Variants in GSDMC observed in about 807,000 individuals in gnomAD.
GSDMC encodes the protein gasdermin-C.
A neutral mutation model predicts 58.0 loss-of-function variants in GSDMC; 59 were observed. The observed-to-expected ratio is 1.02, with a 90% CI of 0.82 to 1.26. The LOEUF (loss-of-function observed/expected upper bound fraction) is 1.26. Ranked by LOEUF, GSDMC falls within the 50% of genes most tolerant of loss-of-function variation. The pLI is 0.00. For missense variants in GSDMC, 659 were observed against 598.5 expected (o/e 1.10, Z -1.06); for synonymous variants, 241 against 220.2 (o/e 1.09, Z -0.83).
the GSDMC span, among the ~76,000 whole-genome samples, chr8:129,740,971 T>A: frequency 0.017 from 2,588 of 152,292 alleles, 85 homozygotes; most frequent in African/African-American, 0.059. Context: ...GCCTTGCCGT[T>A]TCAAGTCTTA....
At chr8:129,782,329 C>T (rs1215788702) in intron 1 of GSDMC, among the ~76,000 whole-genome samples, 1 of 151,860 alleles carries the variant, frequency 6.6e-6, no homozygotes, top group Admixed American at 6.6e-5. Context: ...GCAGCCCAAA[C>T]CCAAAATTAG....
At chr8:129,710,306 C>T in the GSDMC span, among the ~76,000 whole-genome samples, 1 of 152,088 alleles carries the variant, frequency 6.6e-6, no homozygotes, top group Non-Finnish European at 1.5e-5. Context: ...GGGCACGTAC[C>T]CAAAACTTGC....
chr8:129,756,075 A>G (rs547245198), intron 6 of GSDMC, among the ~76,000 whole-genome samples: 1 of 152,044 alleles, frequency 6.6e-6, no homozygotes, highest in Non-Finnish European at 1.5e-5. Context: ...ATTAAAAAAA[A>G]AAACAAGATT....
At position 129,748,467 on chromosome 8, in the gene GSDMC, A is replaced by G. The variant is rs1586569348; in HGVS notation, c.*34T>C. The G allele has an allele frequency of 1.3e-6, 2 of 1,566,200 alleles. No individual in the cohort carries two copies. The highest frequency in any genetic ancestry group is 2.3e-5 in the East Asian group (1 of 44,124). On this transcript the variant is annotated 3_prime_UTR_variant, in exon 14 of 14. Transcript: ENST00000276708. The stretch of plus-strand genomic sequence containing the variant: ...TCACAGCATAGACTGGGCGAGGGCC[A>G]GCATCTCTGGACTGACTGCCCATCA...
intron 5 of GSDMC, among the ~76,000 whole-genome samples, chr8:129,760,917 T>C (rs1196513043): frequency 6.6e-6 from 1 of 152,184 alleles, no homozygotes; most frequent in African/African-American, 2.4e-5. Flanking sequence ...TTTGGCATCT[T>C]CTTGGATGAT....
chr8:129,783,721 C>T (rs1052119328), intron 1 of GSDMC, among the ~76,000 whole-genome samples: 6 of 152,086 alleles, frequency 3.9e-5, no homozygotes, highest in Non-Finnish European at 7.4e-5. Flanking sequence ...TGACATTCTT[C>T]ACAGAAAGAG....
intron 4 of GSDMC, among the ~76,000 whole-genome samples, chr8:129,764,100 T>C (rs1437400827): frequency 6.6e-6 from 1 of 152,234 alleles, no homozygotes; most frequent in Non-Finnish European, 1.5e-5. Context: ...TTTCTTACCT[T>C]CCTATGTTGT....
At chr8:129,751,824 G>A (rs1322409221) in intron 9 of GSDMC, 38 bp downstream of exon 9, 1 of 1,590,860 alleles carries the variant, frequency 6.3e-7, no homozygotes, top group East Asian at 2.2e-5. Flanking sequence ...TGTGCAGGAT[G>A]GGATCCCCAC....
the GSDMC span, among the ~76,000 whole-genome samples, chr8:129,712,939 C>T: frequency 1.3e-5 from 2 of 152,194 alleles, no homozygotes; most frequent in African/African-American, 4.8e-5. Flanking sequence ...AGGCAGGGTC[C>T]AACACATTCA....
At chr8:129,731,623 G>T in the GSDMC span, among the ~76,000 whole-genome samples, 1 of 152,262 alleles carries the variant, frequency 6.6e-6, no homozygotes, top group East Asian at 1.9e-4. Flanking sequence ...TCTTTTTCTT[G>T]GAAGAGGACA....
chr8:129,759,176 T>C (rs1721704068), intron 6 of GSDMC, among the ~76,000 whole-genome samples: 1 of 152,152 alleles, frequency 6.6e-6, no homozygotes, highest in Non-Finnish European at 1.5e-5. Flanking sequence ...AGAATAAAAC[T>C]AGACCCCTAT....
chr8:129,761,732 C>T (rs956864845), intron 5 of GSDMC, among the ~76,000 whole-genome samples: 2 of 152,216 alleles, frequency 1.3e-5, no homozygotes, highest in African/African-American at 4.8e-5. Flanking sequence ...GAATCCCATT[C>T]TCACCCCTTC....
At chr8:129,759,795 C>T (rs1326535257) in intron 6 of GSDMC, among the ~76,000 whole-genome samples, 1 of 152,152 alleles carries the variant, frequency 6.6e-6, no homozygotes, top group East Asian at 1.9e-4. Flanking sequence ...CTCTGGAGAA[C>T]AGTTTGGACC....
At chr8:129,766,092 G>C (rs2033849011) in intron 3 of GSDMC, among the ~76,000 whole-genome samples, 1 of 152,056 alleles carries the variant, frequency 6.6e-6, no homozygotes, top group South Asian at 2.1e-4. Flanking sequence ...TAGCACTAGG[G>C]TCTCTCAGAA....
At chr8:129,773,073 A>G (rs1047031980) in intron 3 of GSDMC, among the ~76,000 whole-genome samples, 14 of 152,248 alleles carry the variant, frequency 9.2e-5, no homozygotes, top group African/African-American at 1.9e-4. Context: ...TCATCCTTTC[A>G]TGATAAAACT....
At chr8:129,755,004 A>G (rs902403473) in intron 6 of GSDMC, among the ~76,000 whole-genome samples, 1 of 152,186 alleles carries the variant, frequency 6.6e-6, no homozygotes, top group Non-Finnish European at 1.5e-5. Flanking sequence ...CTAAAAGTTG[A>G]CCTTAAAGAG....
chr8:129,716,315 A>T, the GSDMC span, among the ~76,000 whole-genome samples: 4 of 152,198 alleles, frequency 2.6e-5, no homozygotes, highest in African/African-American at 9.6e-5. Flanking sequence ...AGGTAAGAAA[A>T]GATATAATGT....
chr8:129,751,500 TCCCA>T (rs2033188274), intron 10 of GSDMC, 38 bp downstream of exon 10: 1 of 1,562,930 alleles, frequency 6.4e-7, no homozygotes, highest in African/African-American at 1.4e-5. Context: ...GACTTGCAGC[TCCCA>T]CCCAGAAGCC....
chr8:129,745,250 T>G (rs1026860614), downstream of GSDMC, among the ~76,000 whole-genome samples: 1 of 152,228 alleles, frequency 6.6e-6, no homozygotes, highest in Admixed American at 6.5e-5. Context: ...TTTGAAACCT[T>G]TTTCATATGG....
Sources: allele counts gnomAD v4.1 joint callset (sites outside exome capture counted in the v4.1 genomes callset), GRCh38; gene constraint gnomAD v4.1.1; transcripts MANE v1.5; gene names NCBI Gene and HGNC (gene_info 2026-07-23, HGNC 2026-07-21).